The following CHSY3 variants were observed in gnomAD, a reference collection of about 807,000 sequenced individuals.
The protein encoded by CHSY3 is N-acetylgalactosaminyl-proteoglycan 3-beta-glucuronosyltransferase 3.
In CHSY3, 35 loss-of-function variants were observed where a neutral mutation model predicts 67.2. The ratio of observed to expected loss-of-function variants is 0.52; its 90% confidence interval spans 0.40 to 0.69. The LOEUF is 0.69. Among genes scored for constraint, CHSY3 ranks in the 30% least tolerant of loss-of-function variants. CHSY3 has a pLI of 0.00. For synonymous variants in CHSY3, 474 were observed against 434.7 expected (o/e 1.09, Z -1.12); for missense variants, 1,069 against 1,138.5 (o/e 0.94, Z 0.88).
At chr5:130,018,676 A>G (rs1764279612) in intron 2 of CHSY3, among the ~76,000 whole-genome samples, 1 of 152,210 alleles carries the variant, frequency 6.6e-6, no homozygotes, top group Non-Finnish European at 1.5e-5. Context: ...ATCCTAATTC[A>G]TCACTGCTAT....
intron 2 of CHSY3, among the ~76,000 whole-genome samples, chr5:129,987,378 T>C (rs1763235789): frequency 6.6e-6 from 1 of 152,230 alleles, no homozygotes. Flanking sequence ...TGTCCTTGTA[T>C]GAATTAGGTA....
At chr5:130,051,209 C>T (rs762719698) in intron 2 of CHSY3, among the ~76,000 whole-genome samples, 6 of 151,978 alleles carry the variant, frequency 3.9e-5, no homozygotes, top group East Asian at 1.9e-4. Context: ...TGGAGGGAAA[C>T]GTCATATTAT....
At chr5:130,011,214 A>G (rs1764049386) in intron 2 of CHSY3, among the ~76,000 whole-genome samples, 1 of 152,222 alleles carries the variant, frequency 6.6e-6, no homozygotes, top group African/African-American at 2.4e-5. Flanking sequence ...GCCTAGATGC[A>G]GAAGTGCTCA....
At chr5:129,960,662 A>G (rs1179222778) in intron 2 of CHSY3, among the ~76,000 whole-genome samples, 1 of 152,056 alleles carries the variant, frequency 6.6e-6, no homozygotes, top group African/African-American at 2.4e-5. Context: ...AATTTGGTAA[A>G]TATGAAGCTT....
chr5:129,918,383 C>G (rs1444680438), intron 2 of CHSY3, among the ~76,000 whole-genome samples: 1 of 152,060 alleles, frequency 6.6e-6, no homozygotes, highest in Non-Finnish European at 1.5e-5. Flanking sequence ...CTCTGATGGA[C>G]GAAGGTATCA....
intron 2 of CHSY3, among the ~76,000 whole-genome samples, chr5:130,088,250 A>C (rs1249526808): frequency 6.6e-6 from 1 of 151,958 alleles, no homozygotes; most frequent in Admixed American, 6.6e-5. Context: ...CGTTAGACCT[A>C]AAACCATAAA....
At chr5:129,927,727 T>A (rs1277071761) in intron 2 of CHSY3, among the ~76,000 whole-genome samples, 2 of 152,096 alleles carry the variant, frequency 1.3e-5, no homozygotes, top group Non-Finnish European at 2.9e-5. Flanking sequence ...CATTTACACT[T>A]GTATTTTTTT....
intron 2 of CHSY3, among the ~76,000 whole-genome samples, chr5:129,946,070 G>C (rs1761847222): frequency 6.6e-6 from 1 of 152,178 alleles, no homozygotes; most frequent in African/African-American, 2.4e-5. Flanking sequence ...TGCACTAGGT[G>C]AAGTACAGTG....
intron 2 of CHSY3, among the ~76,000 whole-genome samples, chr5:130,097,864 G>A (rs1175816546): frequency 6.6e-6 from 1 of 151,962 alleles, no homozygotes; most frequent in African/African-American, 2.4e-5. Flanking sequence ...AAATTAGCCG[G>A]GCATGGTGGT....
At chr5:130,031,839 T>G (rs558016637) in intron 2 of CHSY3, among the ~76,000 whole-genome samples, 1 of 152,316 alleles carries the variant, frequency 6.6e-6, no homozygotes, top group South Asian at 2.1e-4. Context: ...TAAAAATCTA[T>G]TTTCAGTTTT....
intron 2 of CHSY3, among the ~76,000 whole-genome samples, chr5:130,163,392 A>G (rs896400594): frequency 2.0e-5 from 3 of 152,188 alleles, no homozygotes; most frequent in Admixed American, 2.0e-4. Context: ...TTAAGCAGAA[A>G]GAGGATGCCT....
chr5:130,134,830 C>T (rs1383246010), intron 2 of CHSY3, among the ~76,000 whole-genome samples: 5 of 149,290 alleles, frequency 3.3e-5, no homozygotes, highest in Non-Finnish European at 5.9e-5. Context: ...TGCACTCTCA[C>T]GTTTTACTTC....
At chr5:130,058,465 T>C (rs1170128484) in intron 2 of CHSY3, among the ~76,000 whole-genome samples, 1 of 152,030 alleles carries the variant, frequency 6.6e-6, no homozygotes, top group Non-Finnish European at 1.5e-5. Context: ...CCATCTCTAC[T>C]AAAAATACAG....
At chr5:129,941,589 A>G (rs534876919) in intron 2 of CHSY3, among the ~76,000 whole-genome samples, 246 of 152,302 alleles carry the variant, frequency 1.6e-3, no homozygotes, top group African/African-American at 5.5e-3. Context: ...TATAGAATCC[A>G]TCTAACAAGT....
At chr5:130,069,815 CCTT>C (rs558392522) in intron 2 of CHSY3, among the ~76,000 whole-genome samples, 4 of 152,016 alleles carry the variant, frequency 2.6e-5, no homozygotes, top group Non-Finnish European at 5.9e-5. Flanking sequence ...TTATGTTTCT[CCTT>C]CTTCTTACCA....
intron 2 of CHSY3, among the ~76,000 whole-genome samples, chr5:130,056,132 G>A (rs1765524623): frequency 6.6e-6 from 1 of 151,918 alleles, no homozygotes; most frequent in Non-Finnish European, 1.5e-5. Flanking sequence ...TTTCCTATGT[G>A]CATCCTAACT....
At chr5:130,120,765 A>C (rs1767988549) in intron 2 of CHSY3, among the ~76,000 whole-genome samples, 1 of 152,172 alleles carries the variant, frequency 6.6e-6, no homozygotes, top group Non-Finnish European at 1.5e-5. Context: ...GAAAAACAAA[A>C]AAGAGAGAGA....
intron 2 of CHSY3, among the ~76,000 whole-genome samples, chr5:130,125,894 T>G (rs2149711267): frequency 6.6e-6 from 1 of 152,318 alleles, no homozygotes; most frequent in East Asian, 1.9e-4. Context: ...GTGCCATCCT[T>G]TCCACTCCAT....
At chr5:130,134,608 C>T (rs1768599016) in intron 2 of CHSY3, among the ~76,000 whole-genome samples, 1 of 152,092 alleles carries the variant, frequency 6.6e-6, no homozygotes, top group Admixed American at 6.5e-5. Context: ...AACCATTGAT[C>T]ATCTTGAAAT....
Sources: allele counts gnomAD v4.1 joint callset (sites outside exome capture counted in the v4.1 genomes callset), GRCh38; gene constraint gnomAD v4.1.1; transcripts MANE v1.5; gene names NCBI Gene and HGNC (gene_info 2026-07-23, HGNC 2026-07-21).